Variants in FGD6 observed in about 807,000 individuals in gnomAD.
FGD6 encodes the protein FYVE, RhoGEF and PH domain containing 6, also known as FYVE, RhoGEF and PH domain-containing protein 6.
FGD6 carries 90 observed loss-of-function variants against 149.4 expected under a neutral mutation model. That is an observed-to-expected ratio of 0.60 (90% CI 0.51 to 0.72). FGD6 has a LOEUF of 0.72. Among genes scored for constraint, FGD6 ranks in the 30% least tolerant of loss-of-function variants. The pLI is 0.00. For synonymous variants in FGD6, 527 were observed against 584.0 expected, an observed-to-expected ratio of 0.90 and a Z score of 1.41; for missense variants, 1,437 against 1,684.8, an observed-to-expected ratio of 0.85 and a Z score of 2.57.
At chr12:95,172,885 G>T in intron 2 of FGD6, 141 bp from the exon 3 acceptor site, 1 of 652,052 alleles carries the variant, frequency 1.5e-6, no homozygotes, top group Non-Finnish European at 2.3e-6. Context: ...ACCCAGATCA[G>T]CCAACTTTCC....
chr12:95,157,751 A>G (rs1880514324), intron 3 of FGD6, among the ~76,000 whole-genome samples: 1 of 152,264 alleles, frequency 6.6e-6, no homozygotes, highest in South Asian at 2.1e-4. Context: ...CTAAAAGGAC[A>G]ATTAGATAGA....
intron 3 of FGD6, among the ~76,000 whole-genome samples, chr12:95,168,767 T>A (rs1422935375): frequency 6.6e-6 from 1 of 152,250 alleles, no homozygotes; most frequent in African/African-American, 2.4e-5. Flanking sequence ...ACAACAATCT[T>A]AGAAAATAAA....
At position 95,181,901 on chromosome 12, in the gene FGD6, G is replaced by A. The variant is rs558556800; in HGVS notation, c.2442-9157C>T. Among the ~76,000 whole-genome samples, 6 of 148,270 alleles carry A rather than the reference G, an allele frequency of 4.0e-5. No homozygotes were observed. The South Asian group carries it at 6.4e-4, about 16-fold the overall frequency. ...AGAGCTTGCAGTGAGCTGAGATCACGCCACTGCACTCCAGCCTGAGAGACA... is the reference window on the plus strand; with the variant it reads ...AGAGCTTGCAGTGAGCTGAGATCACACCACTGCACTCCAGCCTGAGAGACA... On this transcript the variant is annotated intron_variant, in intron 2 of 20. Coordinates refer to ENST00000343958, the MANE Select transcript of FGD6 (RefSeq NM_018351.4).
At chr12:95,101,196 A>G (rs1878418368) in intron 14 of FGD6, among the ~76,000 whole-genome samples, 1 of 151,476 alleles carries the variant, frequency 6.6e-6, no homozygotes, top group Admixed American at 6.6e-5. Context: ...AAAAAAAAAA[A>G]ATTAGCCGGG....
At chr12:95,130,430 T>C (rs1002037895) in intron 8 of FGD6, among the ~76,000 whole-genome samples, 11 of 152,220 alleles carry the variant, frequency 7.2e-5, no homozygotes, top group African/African-American at 2.7e-4. Flanking sequence ...CCTGCTCTTG[T>C]ATATTTTGTG....
At chr12:95,175,971 G>C (rs1313850967) in intron 2 of FGD6, among the ~76,000 whole-genome samples, 1 of 152,082 alleles carries the variant, frequency 6.6e-6, no homozygotes, top group Non-Finnish European at 1.5e-5. Flanking sequence ...AGATTTTAAA[G>C]GAAAGATAAT....
intron 20 of FGD6, among the ~76,000 whole-genome samples, 163 bp from the exon 21 acceptor site, chr12:95,081,719 T>C (rs553340662): frequency 6.6e-6 from 1 of 150,700 alleles, no homozygotes; most frequent in African/African-American, 2.4e-5. Flanking sequence ...AGTTTTGCTC[T>C]CGTTGCTCAG....
intron 2 of FGD6, among the ~76,000 whole-genome samples, chr12:95,187,652 C>CCAAA (rs1555222014): frequency 2.8e-5 from 3 of 106,684 alleles, no homozygotes; most frequent in Non-Finnish European, 4.0e-5. Flanking sequence ...GCTGCGTCCC[C>CCAAA]AAAAAAAAAA....
intron 2 of FGD6, among the ~76,000 whole-genome samples, chr12:95,185,846 G>A (rs757184002): frequency 7.2e-5 from 11 of 152,060 alleles, no homozygotes; most frequent in South Asian, 2.1e-4. Flanking sequence ...GGGCAACAGC[G>A]CAAGACTCCA....
chr12:95,114,427 G>A (rs1322766669), intron 8 of FGD6, among the ~76,000 whole-genome samples: 1 of 143,606 alleles, frequency 7.0e-6, no homozygotes. Flanking sequence ...CCAACATGGG[G>A]AAACCCCATC....
At chr12:95,200,756 T>G (rs920217233) in intron 2 of FGD6, among the ~76,000 whole-genome samples, 1 of 152,222 alleles carries the variant, frequency 6.6e-6, no homozygotes, top group African/African-American at 2.4e-5. Flanking sequence ...CTGTCAAAAC[T>G]ACTTACAAAT....
At chr12:95,162,997 T>C (rs1341431518) in intron 3 of FGD6, among the ~76,000 whole-genome samples, 1 of 152,218 alleles carries the variant, frequency 6.6e-6, no homozygotes, top group Non-Finnish European at 1.5e-5. Flanking sequence ...TGCAACCCCT[T>C]CTGTACACTG....
intron 3 of FGD6, among the ~76,000 whole-genome samples, chr12:95,163,835 T>C (rs915841499): frequency 6.6e-6 from 1 of 152,070 alleles, no homozygotes; most frequent in Non-Finnish European, 1.5e-5. Flanking sequence ...TTATTAGAAA[T>C]AAGTCAATGG....
In FGD6 at chr12:95,109,229, C is replaced by T. The variant is rs182999597; in HGVS notation, c.3134-668G>A. Among the ~76,000 whole-genome samples the T allele has an allele frequency of 9.4e-4, 143 of 152,296 alleles. 1 individual carries two copies. Among genetic ancestry groups the T allele is most frequent in the African/African-American group, 3.4e-3 (143 of 41,560 alleles). On this transcript the variant is annotated intron_variant, in intron 9 of 20. Coordinates refer to ENST00000343958, the MANE Select transcript of FGD6 (RefSeq NM_018351.4). ...TTTTTCCATACTCCAGCCTTGTCATCTTTATAACTAGGTCTAAAGGAAAAA... is the reference window on the plus strand; with the variant it reads ...TTTTTCCATACTCCAGCCTTGTCATTTTTATAACTAGGTCTAAAGGAAAAA...
intron 9 of FGD6, among the ~76,000 whole-genome samples, chr12:95,108,971 G>A (rs6538592): frequency 0.63 from 95,754 of 152,022 alleles, 30,429 homozygotes; most frequent in East Asian, 0.68. Flanking sequence ...GAAAAGGATC[G>A]TGAGGAAAAA....
chr12:95,082,984 TA>T (rs1173446654), intron 20 of FGD6, among the ~76,000 whole-genome samples: 170 of 30,956 alleles, frequency 5.5e-3, no homozygotes, highest in Admixed American at 6.4e-3. Flanking sequence ...CTGTCTCCAT[TA>T]AAAAAAAAAA....
intron 3 of FGD6, among the ~76,000 whole-genome samples, chr12:95,161,031 T>C (rs1278403535): frequency 6.6e-6 from 1 of 150,404 alleles, no homozygotes; most frequent in Admixed American, 6.6e-5. Context: ...AATACAAAAA[T>C]TAGCTGGGCA....
intron 17 of FGD6, among the ~76,000 whole-genome samples, chr12:95,091,074 C>T (rs941616805): frequency 3.3e-5 from 5 of 152,168 alleles, no homozygotes; most frequent in African/African-American, 1.2e-4. Context: ...GCTTGGGCAA[C>T]AGTGCAAGAC....
chr12:95,143,903 C>T (rs1454408474), intron 5 of FGD6, among the ~76,000 whole-genome samples: 1 of 152,168 alleles, frequency 6.6e-6, no homozygotes, highest in East Asian at 1.9e-4. Context: ...TAAGCGCCAC[C>T]CTTTCTTCTG....
Sources: allele counts gnomAD v4.1 joint callset (sites outside exome capture counted in the v4.1 genomes callset), GRCh38; gene constraint gnomAD v4.1.1; transcripts MANE v1.5; gene names NCBI Gene and HGNC (gene_info 2026-07-23, HGNC 2026-07-21).